The following POLA1 variants were observed in gnomAD, a reference collection of about 807,000 sequenced individuals.
The protein encoded by POLA1 is DNA polymerase alpha 1, catalytic subunit.
In POLA1, 15 loss-of-function variants were observed where a neutral mutation model predicts 124.0. The observed-to-expected ratio is 0.12, with a 90% CI of 0.08 to 0.19. The LOEUF is 0.19. Ranked by LOEUF, POLA1 falls within the 10% of genes least tolerant of loss-of-function variation. The pLI, the probability that POLA1 is intolerant of heterozygous loss-of-function variation, is 1.00. For synonymous variants in POLA1, 408 were observed against 389.4 expected, an observed-to-expected ratio of 1.05 and a Z score of -0.56; for missense variants, 886 against 1,103.4, an observed-to-expected ratio of 0.80 and a Z score of 2.79.
chrX:24,971,741 G>A (rs949416848), intron 36 of POLA1, among the ~76,000 whole-genome samples: 2 of 111,212 alleles, frequency 1.8e-5, no homozygotes, highest in Non-Finnish European at 3.8e-5. Flanking sequence ...AACCATGGAA[G>A]CACTATCATT....
intron 36 of POLA1, among the ~76,000 whole-genome samples, chrX:24,945,412 A>G (rs868631837): frequency 8.9e-6 from 1 of 112,621 alleles, no homozygotes; most frequent in Non-Finnish European, 1.9e-5. Context: ...TGCTCGATTC[A>G]TTTTTACCAA....
chrX:24,751,800 G>A (rs1037084494), intron 26 of POLA1, among the ~76,000 whole-genome samples: 3 of 112,165 alleles, frequency 2.7e-5, no homozygotes, highest in African/African-American at 9.7e-5. Flanking sequence ...GAGGAGTGAA[G>A]TGAAAATGAG....
chrX:24,743,108 G>T, intron 22 of POLA1, 122 bp from the exon 23 acceptor site: 1 of 407,696 alleles, frequency 2.5e-6, no homozygotes, highest in Non-Finnish European at 4.2e-6. Context: ...CCAACAGATA[G>T]GACCACTAAC....
chrX:24,831,429 A>G (rs952512507), intron 32 of POLA1, among the ~76,000 whole-genome samples: 2 of 108,638 alleles, frequency 1.8e-5, no homozygotes, highest in Non-Finnish European at 3.8e-5. Flanking sequence ...TTTATTTTTT[A>G]TTTTTTTTTG....
At position 24,765,495 on chromosome X, in the gene POLA1, C is replaced by T. The variant is rs771526493; in HGVS notation, c.2964+16503C>T. ...ATTTTTTGTAGAGACAGGGTTTCGC[C>T]GTGGTTGGCCGTGCTGGTCTTGAAC... On this transcript the variant is annotated intron_variant, in intron 26 of 36. Coordinates refer to ENST00000379068, the MANE Select transcript of POLA1 (RefSeq NM_001330360.2). Among the ~76,000 whole-genome samples, 7 of 109,275 alleles carry T rather than the reference C, an allele frequency of 6.4e-5. No homozygotes were observed. In the East Asian group the frequency reaches 1.4e-3, roughly 23 times the overall value. 94.9% of individuals were successfully genotyped at this position (109,275 alleles called of 115,157 possible).
At chrX:24,883,343 C>A (rs1427386622) in intron 34 of POLA1, among the ~76,000 whole-genome samples, 2 of 111,944 alleles carry the variant, frequency 1.8e-5, no homozygotes, top group Non-Finnish European at 3.8e-5. Flanking sequence ...TTTTTGAGGA[C>A]CTCCTATGCT....
intron 36 of POLA1, among the ~76,000 whole-genome samples, chrX:24,980,033 A>T (rs757136956): frequency 9.0e-6 from 1 of 111,564 alleles, no homozygotes; most frequent in South Asian, 3.8e-4. Flanking sequence ...TCCCTTTATA[A>T]GATGGTAATT....
At chrX:24,799,955 G>A (rs868419956) in intron 26 of POLA1, among the ~76,000 whole-genome samples, 1 of 111,885 alleles carries the variant, frequency 8.9e-6, no homozygotes, top group Middle Eastern at 4.6e-3. Flanking sequence ...ATTTTAATCA[G>A]GTTGTGTGAA....
intron 34 of POLA1, among the ~76,000 whole-genome samples, chrX:24,875,593 A>G (rs1323263936): frequency 8.9e-6 from 1 of 112,167 alleles, no homozygotes; most frequent in Non-Finnish European, 1.9e-5. Flanking sequence ...ATTCGGAAGA[A>G]TGTTAAATTG....
At chrX:24,987,418 A>G (rs779996108) in intron 36 of POLA1, among the ~76,000 whole-genome samples, 38 of 111,742 alleles carry the variant, frequency 3.4e-4, no homozygotes, top group African/African-American at 1.2e-3. Flanking sequence ...TTACACAGCA[A>G]TGGTCCACTA....
At chrX:24,886,883 A>G (rs755876688) in intron 34 of POLA1, among the ~76,000 whole-genome samples, 1 of 111,710 alleles carries the variant, frequency 9.0e-6, no homozygotes, top group African/African-American at 3.3e-5. Context: ...TTCTCTACTT[A>G]CCAAACTTCC....
intron 34 of POLA1, among the ~76,000 whole-genome samples, chrX:24,856,086 A>G (rs761152173): frequency 1.2e-4 from 14 of 112,126 alleles, no homozygotes; most frequent in Non-Finnish European, 2.6e-4. Flanking sequence ...AAATTTGAGC[A>G]TGTATATAGA....
At chrX:24,706,239 T>C (rs1196962447) in intron 4 of POLA1, among the ~76,000 whole-genome samples, 2 of 112,200 alleles carry the variant, frequency 1.8e-5, no homozygotes, top group Non-Finnish European at 3.8e-5. Flanking sequence ...CAGATTTGGC[T>C]GGTGAGAGCC....
chrX:24,987,412 A>C (rs2048491460), intron 36 of POLA1, among the ~76,000 whole-genome samples: 1 of 111,703 alleles, frequency 9.0e-6, no homozygotes, highest in Admixed American at 9.5e-5. Context: ...GATTTGTTAC[A>C]CAGCAATGGT....
At chrX:24,730,978 A>G (rs1174763905) in intron 15 of POLA1, among the ~76,000 whole-genome samples, 1 of 112,452 alleles carries the variant, frequency 8.9e-6, no homozygotes, top group Non-Finnish European at 1.9e-5. Context: ...CAGCTAATAA[A>G]TGAAAGATAA....
At chrX:24,984,261 G>A (rs2147292625) in intron 36 of POLA1, among the ~76,000 whole-genome samples, 1 of 112,270 alleles carries the variant, frequency 8.9e-6, no homozygotes, top group East Asian at 2.8e-4. Context: ...CTTGGTAGCT[G>A]AAACTGTGCA....
intron 34 of POLA1, among the ~76,000 whole-genome samples, chrX:24,882,801 G>A (rs11573455): frequency 0.026 from 2,803 of 108,820 alleles, 90 homozygotes; most frequent in African/African-American, 0.088. Flanking sequence ...GAATAGTGCT[G>A]CAATGAACAT....
At chrX:24,714,330 TG>T (rs1028492081) in intron 4 of POLA1, among the ~76,000 whole-genome samples, 1 of 111,876 alleles carries the variant, frequency 8.9e-6, no homozygotes, top group Non-Finnish European at 1.9e-5. Flanking sequence ...GCTAATTTTT[TG>T]TATTTTAGTA....
chrX:24,919,921 A>C (rs1281702339), intron 35 of POLA1, among the ~76,000 whole-genome samples: 1 of 92,244 alleles, frequency 1.1e-5, no homozygotes, highest in Non-Finnish European at 2.0e-5. Context: ...ATCTCAGCTC[A>C]CTACAGTCTC....
Sources: allele counts gnomAD v4.1 joint callset (sites outside exome capture counted in the v4.1 genomes callset), GRCh38; gene constraint gnomAD v4.1.1; transcripts MANE v1.5; gene names NCBI Gene and HGNC (gene_info 2026-07-23, HGNC 2026-07-21).